The following THSD4 variants were observed in gnomAD, a reference collection of about 807,000 sequenced individuals.
The protein encoded by THSD4 is thrombospondin type-1 domain-containing protein 4.
In THSD4, 69 loss-of-function variants were observed where a neutral mutation model predicts 119.0. That is an observed-to-expected ratio of 0.58 (90% confidence interval 0.48 to 0.71). The LOEUF (loss-of-function observed/expected upper bound fraction) is 0.71. Ranked by LOEUF, THSD4 falls within the 30% of genes least tolerant of loss-of-function variation. The probability of loss-of-function intolerance (pLI) is 0.00; values close to 1 mark genes in which losing one functional copy is unlikely to be tolerated. For synonymous variants in THSD4, 524 were observed against 540.4 expected, an observed-to-expected ratio of 0.97 and a Z score of 0.42; for missense variants, 1,393 against 1,391.1, an observed-to-expected ratio of 1.00 and a Z score of -0.02.
At position 71,417,191 on chromosome 15, in the gene THSD4, T is replaced by C. The variant is rs2046770178; in HGVS notation, c.1152+5368T>C. ...TTCTCCCATTCTGTGGGTTGTCTCTTCACTTTGTTGATTATTTTCTTTGCT... is the reference window on the plus strand; with the variant it reads ...TTCTCCCATTCTGTGGGTTGTCTCTCCACTTTGTTGATTATTTTCTTTGCT... On this transcript the variant is annotated intron_variant, in intron 7 of 17. Transcript: ENST00000261862. Among the ~76,000 whole-genome samples the C allele has an allele frequency of 1.8e-5, 2 of 108,922 alleles. 1 individual carries two copies. Among genetic ancestry groups the C allele is most frequent in the African/African-American group, 6.2e-5 (2 of 32,018 alleles). 71.5% of individuals were successfully genotyped at this position (108,922 alleles called of 152,430 possible). A position where few individuals can be genotyped will look rare whatever the true frequency, so the allele number is the denominator to read the frequency against.
At chr15:71,470,973 T>C (rs1419998645) in intron 7 of THSD4, among the ~76,000 whole-genome samples, 1 of 152,254 alleles carries the variant, frequency 6.6e-6, no homozygotes, top group Non-Finnish European at 1.5e-5. Context: ...TTTGAAAGTT[T>C]TGCAGTATGT....
At chr15:71,468,807 G>A (rs1371445512) in intron 7 of THSD4, among the ~76,000 whole-genome samples, 2 of 152,090 alleles carry the variant, frequency 1.3e-5, no homozygotes, top group African/African-American at 4.8e-5. Flanking sequence ...TGCAGCTCCA[G>A]CCATTACATA....
At chr15:71,770,138 C>A (rs1320990221) in intron 16 of THSD4, among the ~76,000 whole-genome samples, 1 of 127,884 alleles carries the variant, frequency 7.8e-6, no homozygotes, top group African/African-American at 3.2e-5. Flanking sequence ...ATCCCAGCTA[C>A]TTGGGAGGCT....
intron 3 of THSD4, among the ~76,000 whole-genome samples, chr15:71,182,077 TACATTGA>T (rs1490119063): frequency 3.5e-4 from 54 of 152,118 alleles, no homozygotes; most frequent in South Asian, 8.4e-4. Flanking sequence ...AAAAATGATA[TACATTGA>T]CTTTTGAGTG....
chr15:71,215,669 G>C (rs918804858), intron 4 of THSD4, among the ~76,000 whole-genome samples: 5 of 152,210 alleles, frequency 3.3e-5, no homozygotes, highest in African/African-American at 1.2e-4. Context: ...CCCTTAGGAA[G>C]AATTTTAGGG....
intron 8 of THSD4, among the ~76,000 whole-genome samples, chr15:71,691,741 TGA>T (rs2052054706): frequency 6.6e-6 from 1 of 152,324 alleles, no homozygotes; most frequent in South Asian, 2.1e-4. Context: ...TTTTAGGGTG[TGA>T]GAGAGATTGA....
intron 7 of THSD4, among the ~76,000 whole-genome samples, chr15:71,613,880 T>A (rs1490647695): frequency 1.3e-5 from 2 of 152,220 alleles, no homozygotes; most frequent in African/African-American, 4.8e-5. Context: ...TTTGTATATC[T>A]GTAACTGATA....
intron 7 of THSD4, among the ~76,000 whole-genome samples, chr15:71,613,694 G>A (rs2050270748): frequency 6.6e-6 from 1 of 152,042 alleles, no homozygotes; most frequent in Non-Finnish European, 1.5e-5. Context: ...GTTCTGAAGG[G>A]TTTCTTCTGT....
chr15:71,592,627 CT>C (rs1198915838), intron 7 of THSD4, among the ~76,000 whole-genome samples: 1 of 151,752 alleles, frequency 6.6e-6, no homozygotes, highest in Non-Finnish European at 1.5e-5. Context: ...GCTGGATTCA[CT>C]TTTATAGATA....
At chr15:71,654,965 A>G (rs770466344) in intron 7 of THSD4, among the ~76,000 whole-genome samples, 1 of 152,074 alleles carries the variant, frequency 6.6e-6, no homozygotes, top group Non-Finnish European at 1.5e-5. Context: ...TGTGAAATTC[A>G]CCTCCAAATA....
intron 6 of THSD4, among the ~76,000 whole-genome samples, chr15:71,361,025 G>A (rs969993501): frequency 1.3e-5 from 2 of 152,192 alleles, no homozygotes; most frequent in Admixed American, 1.3e-4. Context: ...ACAGAGAAGA[G>A]TTATCTAGGC....
chr15:71,532,040 TA>T (rs1435746466), intron 7 of THSD4, among the ~76,000 whole-genome samples: 2 of 151,844 alleles, frequency 1.3e-5, no homozygotes, highest in Non-Finnish European at 2.9e-5. Flanking sequence ...GAAATTTCTG[TA>T]AGTCCTGCAG....
chr15:71,228,508 C>G (rs937544482), intron 4 of THSD4, among the ~76,000 whole-genome samples: 10 of 152,210 alleles, frequency 6.6e-5, no homozygotes, highest in African/African-American at 2.4e-4. Flanking sequence ...GTTACAGCAG[C>G]TACAGAAACT....
At chr15:71,225,658 CTGCCCCAGCCTAT>C (rs1395214691) in intron 4 of THSD4, among the ~76,000 whole-genome samples, 1 of 148,564 alleles carries the variant, frequency 6.7e-6, no homozygotes, top group Non-Finnish European at 1.5e-5. Flanking sequence ...AATGATTCTC[CTGCCCCAGCCTAT>C]AGCTGGGACT....
intron 7 of THSD4, among the ~76,000 whole-genome samples, chr15:71,493,800 C>T (rs1331386782): frequency 2.0e-5 from 3 of 152,242 alleles, no homozygotes; most frequent in African/African-American, 2.4e-5. Context: ...AAATCAGCCA[C>T]GGCTGCCTTC....
At chr15:71,455,637 T>C (rs1307802513) in intron 7 of THSD4, among the ~76,000 whole-genome samples, 1 of 152,182 alleles carries the variant, frequency 6.6e-6, no homozygotes, top group Non-Finnish European at 1.5e-5. Context: ...CTCTGTAGCA[T>C]GACACCAGGC....
At chr15:71,486,611 GTTTTTT>G (rs200120589) in intron 7 of THSD4, among the ~76,000 whole-genome samples, 24 of 131,752 alleles carry the variant, frequency 1.8e-4, no homozygotes, top group African/African-American at 3.5e-4. Context: ...TTTCTTTTCT[GTTTTTT>G]TTTTTTTTTT....
At chr15:71,200,396 T>C (rs2043793604) in intron 3 of THSD4, among the ~76,000 whole-genome samples, 1 of 152,092 alleles carries the variant, frequency 6.6e-6, no homozygotes, top group South Asian at 2.1e-4. Flanking sequence ...TGGATCCTGG[T>C]GAGCTTTTCA....
chr15:71,486,108 A>G (rs2047812394), intron 7 of THSD4, among the ~76,000 whole-genome samples: 1 of 152,178 alleles, frequency 6.6e-6, no homozygotes, highest in African/African-American at 2.4e-5. Context: ...ATTGCAGGAT[A>G]TAACATTCAG....
Sources: allele counts gnomAD v4.1 joint callset (sites outside exome capture counted in the v4.1 genomes callset), GRCh38; gene constraint gnomAD v4.1.1; transcripts MANE v1.5; gene names NCBI Gene and HGNC (gene_info 2026-07-23, HGNC 2026-07-21).